The following IGF2R variants were observed in gnomAD, a reference collection of about 807,000 sequenced individuals.
IGF2R encodes cation-independent mannose-6-phosphate receptor.
Under a neutral mutation model 270.6 loss-of-function variants are expected in IGF2R, and 91 were observed. That is an observed-to-expected ratio of 0.34 (90% CI 0.28 to 0.40). IGF2R has a LOEUF of 0.40. Among genes scored for constraint, IGF2R ranks in the 10% least tolerant of loss-of-function variants. The pLI is 1.00. For synonymous variants in IGF2R, 1,316 were observed against 1,258.9 expected (o/e 1.05, Z -0.96); for missense variants, 2,805 against 3,188.3 (o/e 0.88, Z 2.90).
In IGF2R at chr6:160,068,266, C is replaced by G; in HGVS notation, c.4133C>G (p.Ser1378Cys). The G allele has an allele frequency of 6.2e-7, 1 of 1,614,238 alleles. No individual in the cohort carries two copies. The highest frequency in any genetic ancestry group is 1.1e-5 in the South Asian group (1 of 91,090). ...CTTTTCAGAGATGGGGCTGGCAACT[C>G]CTTCGACCTCTCGTCCCTGTCAAGG... is the stretch of plus-strand genomic sequence containing the variant. ...ECSFKDGAGN[S>C]FDLSSLSRYS... Residue 1378 changes from serine to cysteine, a missense_variant, in exon 30 of 48, where the codon TCC becomes TGC. Physicochemically the swap from Ser to Cys is moderately radical, Grantham distance 112. This residue lies in a region of IGF2R where 1,851 missense variants were observed against 2,207.2 expected (regional missense o/e 0.84). Coordinates refer to ENST00000356956, the MANE Select transcript of IGF2R (RefSeq NM_000876.4).
At chr6:160,010,653 TG>T in intron 3 of IGF2R, 33 bp from the exon 4 acceptor site, 1 of 1,188,988 alleles carries the variant, frequency 8.4e-7, no homozygotes, top group South Asian at 1.2e-5. Context: ...ATGTGTGGTA[TG>T]GTAACATTAT....
At chr6:160,061,987 C>G in intron 25 of IGF2R, 59 bp downstream of exon 25, 1 of 1,489,142 alleles carries the variant, frequency 6.7e-7, no homozygotes, top group Non-Finnish European at 9.3e-7. Context: ...TCCCATTTCC[C>G]TTGAACCTCT....
intron 37 of IGF2R, among the ~76,000 whole-genome samples, chr6:160,079,047 T>C (rs988899383): frequency 1.3e-5 from 2 of 152,152 alleles, no homozygotes; most frequent in Middle Eastern, 3.2e-3. Flanking sequence ...TGGTGAGTGA[T>C]GAGCCTGGAG....
chr6:159,986,113 TGTCCCGCTG>T (rs911001099), intron 1 of IGF2R, among the ~76,000 whole-genome samples: 3 of 152,102 alleles, frequency 2.0e-5, no homozygotes, highest in African/African-American at 7.2e-5. Context: ...TCCTCTCCTG[TGTCCCGCTG>T]GTTTCCTTCA....
chr6:160,024,481 T>G, intron 4 of IGF2R, 91 bp from the exon 5 acceptor site: 1 of 1,237,770 alleles, frequency 8.1e-7, no homozygotes, highest in Non-Finnish European at 1.2e-6. Context: ...CCCTAAGGAA[T>G]GGAGAGCAGT....
chr6:160,010,064 A>G (rs1430732044), intron 3 of IGF2R, among the ~76,000 whole-genome samples: 1 of 152,232 alleles, frequency 6.6e-6, no homozygotes, highest in African/African-American at 2.4e-5. Flanking sequence ...TTTTAACTTC[A>G]GCTAATTTCC....
intron 29 of IGF2R, 96 bp from the exon 30 acceptor site, chr6:160,068,153 A>G: frequency 7.1e-7 from 1 of 1,407,884 alleles, no homozygotes; most frequent in Non-Finnish European, 9.9e-7. Flanking sequence ...TCAGGCTTAG[A>G]CTATGCCTGA....
intron 22 of IGF2R, among the ~76,000 whole-genome samples, chr6:160,059,432 A>G (rs1244166383): frequency 2.0e-5 from 3 of 152,336 alleles, no homozygotes; most frequent in Non-Finnish European, 2.9e-5. Context: ...TGCTGTGCCT[A>G]GCTTACAAAT....
rs774403150 is a variant in IGF2R at position 160,047,241 on chromosome 6, G to A, written c.2134G>A (p.Gly712Ser). 41 of 1,613,808 alleles carry A rather than the reference G, an allele frequency of 2.5e-5. No homozygotes were observed. The highest frequency in any genetic ancestry group is 4.5e-5 in the East Asian group (2 of 44,898). The change falls in exon 16 of 48, where the codon GGC becomes AGC. Residue 712 changes from glycine (G) to serine (S), a missense_variant. Gly to Ser is a moderately conservative substitution (Grantham distance 56). Coordinates refer to ENST00000356956, the MANE Select transcript of IGF2R (RefSeq NM_000876.4). ...GATGATCCAACTGAACTACAGAGGCGGCACACCCTATAACAATGAAAGACA... is the reference window on the plus strand; with the variant it reads ...GATGATCCAACTGAACTACAGAGGCAGCACACCCTATAACAATGAAAGACA... ...DGMIQLNYRG[G>S]TPYNNERHTP...
At chr6:160,013,410 T>C (rs939988188) in intron 4 of IGF2R, among the ~76,000 whole-genome samples, 2 of 87,728 alleles carry the variant, frequency 2.3e-5, no homozygotes, top group Non-Finnish European at 4.6e-5. Flanking sequence ...TGGTTCTTTG[T>C]AAAAAAAAAA....
intron 36 of IGF2R, among the ~76,000 whole-genome samples, chr6:160,077,933 C>T (rs8191898): frequency 0.088 from 13,436 of 152,216 alleles, 902 homozygotes; most frequent in East Asian, 0.33. Flanking sequence ...CCTTTGAACC[C>T]GTAGCACAGA....
intron 27 of IGF2R, among the ~76,000 whole-genome samples, chr6:160,063,909 C>T (rs1411332498): frequency 6.6e-6 from 1 of 152,188 alleles, no homozygotes; most frequent in Non-Finnish European, 1.5e-5. Flanking sequence ...CGTTGGGACA[C>T]AGTGAGCTAG....
intron 10 of IGF2R, 100 bp downstream of exon 10, chr6:160,034,622 G>A: frequency 1.3e-6 from 1 of 767,810 alleles, no homozygotes; most frequent in African/African-American, 1.7e-5. Context: ...CTGAATGGAG[G>A]AGTCAGATGC....
chr6:160,023,118 G>A (rs994857304), intron 4 of IGF2R, among the ~76,000 whole-genome samples: 1 of 152,156 alleles, frequency 6.6e-6, no homozygotes, highest in African/African-American at 2.4e-5. Context: ...GAGGTAGTAG[G>A]GCACTGAAGC....
rs1480889491 is a variant in IGF2R at position 160,084,223 on chromosome 6, C to T, written c.6068+39C>T. The T allele has an allele frequency of 4.0e-6, 5 of 1,250,876 alleles. No homozygotes were observed. The highest frequency in any genetic ancestry group is 1.7e-5 in the Admixed American group (1 of 58,528). The allele number at this position is 1,250,876 out of a possible 1,614,324, so 77.5% of individuals were successfully genotyped here. On this transcript the variant is annotated intron_variant, in intron 40 of 47. Transcript: ENST00000356956. The surrounding 1 kb of genome is among the most constrained non-coding windows in gnomAD (Gnocchi z 4.6). ...CAGTCCACCCGCGGCGCCACACCCT[C>T]AGCATGTGAACTTCAGACTGCTTGA...
Position 160,047,787 on chromosome 6 carries a change from A to T in IGF2R, c.2230-5A>T, listed in dbSNP as rs764220072. The T allele has an allele frequency of 9.4e-6, 15 of 1,589,576 alleles. No individual in the cohort carries two copies. The highest frequency in any genetic ancestry group is 1.3e-5 in the African/African-American group (1 of 74,490). ...CCATCCCTCCGCGCATCTGCCGTGG[A>T]TTAGGAAGAGGATAACTCCACCTAC... On this transcript the variant is annotated splice_polypyrimidine_tract_variant and splice_region_variant and intron_variant, in intron 16 of 47. Transcript: ENST00000356956.
At chr6:160,027,541 A>G (rs1038031906) in intron 6 of IGF2R, among the ~76,000 whole-genome samples, 3 of 152,222 alleles carry the variant, frequency 2.0e-5, no homozygotes, top group Non-Finnish European at 4.4e-5. Flanking sequence ...AATACATCTC[A>G]TGATCCAGTC....
chr6:160,090,829 G>A (rs1232040287), intron 44 of IGF2R, among the ~76,000 whole-genome samples: 1 of 152,096 alleles, frequency 6.6e-6, no homozygotes, highest in Non-Finnish European at 1.5e-5. Flanking sequence ...CTGAGAAGGA[G>A]CAGGTGCTCT....
At chr6:159,977,138 G>A (rs1316887815) in intron 1 of IGF2R, among the ~76,000 whole-genome samples, 8 of 152,178 alleles carry the variant, frequency 5.3e-5, no homozygotes, top group African/African-American at 1.9e-4. Flanking sequence ...TTCTTTCTGC[G>A]TGGACGCTGT....
Sources: gnomAD v4.1 joint callset for allele counts (sites outside exome capture counted in the v4.1 genomes callset) on GRCh38, gnomAD v4.1.1 for gene constraint, gnomAD v4.1.1 regional missense constraint, Gnocchi (gnomAD v3.1) non-coding constraint, MANE v1.5 for transcripts, NCBI Gene and HGNC (gene_info 2026-07-23, HGNC 2026-07-21) for gene names.